Variants in PCDH11Y observed in about 807,000 individuals in gnomAD.
PCDH11Y encodes protocadherin 11 Y-linked.
For missense variants in PCDH11Y, 12 were observed against 224.8 expected, an observed-to-expected ratio of 0.05 and a Z score of 6.05; for synonymous variants, 9 against 83.6, an observed-to-expected ratio of 0.11 and a Z score of 4.87.
At chrY:5,522,034 G>T in intron 3 of PCDH11Y, among the ~76,000 whole-genome samples, 1 of 31,059 alleles carries the variant, frequency 3.2e-5, no homozygotes, top group African/African-American at 1.3e-4. Context: ...CCACCATACC[G>T]GGATAATTTT....
At chrY:5,622,216 A>G (rs368206748) in intron 4 of PCDH11Y, among the ~76,000 whole-genome samples, 2 of 30,070 alleles carry the variant, frequency 6.7e-5, no homozygotes, top group South Asian at 1.6e-3. Flanking sequence ...GAAAAAAAAC[A>G]AACACCTTCA....
intron 2 of PCDH11Y, among the ~76,000 whole-genome samples, chrY:5,263,142 G>A (rs2053021427): frequency 3.0e-5 from 1 of 33,769 alleles, no homozygotes; most frequent in Admixed American, 2.6e-4. Context: ...CAGGGGCAGC[G>A]TTCTCAAGAA....
intron 2 of PCDH11Y, among the ~76,000 whole-genome samples, chrY:5,148,515 A>T: frequency 3.1e-5 from 1 of 32,761 alleles, no homozygotes; most frequent in Non-Finnish European, 7.6e-5. Context: ...GTGTTAAAAA[A>T]TTTTTGAAAA....
chrY:5,355,214 T>A, intron 2 of PCDH11Y, among the ~76,000 whole-genome samples: 1 of 29,591 alleles, frequency 3.4e-5, no homozygotes, highest in Non-Finnish European at 8.0e-5. Context: ...TGAGCCGAGA[T>A]TGCGCCATTG....
chrY:5,113,201 A>G (rs2124638997), intron 2 of PCDH11Y, among the ~76,000 whole-genome samples: 1 of 34,244 alleles, frequency 2.9e-5, no homozygotes, highest in South Asian at 6.3e-4. Context: ...TAGCACAGTG[A>G]CATCCTACAT....
chrY:5,190,197 C>T, intron 2 of PCDH11Y, among the ~76,000 whole-genome samples: 4 of 32,766 alleles, frequency 1.2e-4, no homozygotes, highest in African/African-American at 4.7e-4. Context: ...CTTCTAGACA[C>T]ACTTGTGAGT....
chrY:5,659,493 C>T lies in PCDH11Y; in HGVS notation c.3352+77695C>T, dbSNP rs1602957218. ...GTAAGCTGGCACTCACACCACAATACGAAGTCCTTCCTGCTTTTCCCTCCT... is the reference window on the plus strand; with the variant it reads ...GTAAGCTGGCACTCACACCACAATATGAAGTCCTTCCTGCTTTTCCCTCCT... On this transcript the variant is annotated intron_variant, in intron 4 of 4. Coordinates refer to the PCDH11Y transcript ENST00000400457. Among the ~76,000 whole-genome samples, 15 of 31,523 alleles carry T rather than the reference C, an allele frequency of 4.8e-4. No individual in the cohort carries two copies. In the East Asian group the frequency reaches 0.013, roughly 27 times the overall value. The allele number at this position is 31,523 out of a possible 37,273, so 84.6% of individuals were successfully genotyped here. A position where few individuals can be genotyped will look rare whatever the true frequency, so the allele number is the denominator to read the frequency against.
chrY:5,023,242 A>G (rs2052573019), intron 1 of PCDH11Y, among the ~76,000 whole-genome samples: 1 of 33,622 alleles, frequency 3.0e-5, no homozygotes, highest in Admixed American at 2.7e-4. Flanking sequence ...CAGGTGTTAC[A>G]TATGACTCCC....
At chrY:5,012,514 C>T in intron 1 of PCDH11Y, among the ~76,000 whole-genome samples, 1 of 31,029 alleles carries the variant, frequency 3.2e-5, no homozygotes, top group African/African-American at 1.3e-4. Context: ...ATCCTATCAC[C>T]TTCCACCAGG....
chrY:5,308,532 G>A (rs2053092781), intron 2 of PCDH11Y, among the ~76,000 whole-genome samples: 1 of 31,855 alleles, frequency 3.1e-5, no homozygotes. Flanking sequence ...GGTGGTGCAT[G>A]CCTGTAATCC....
intron 2 of PCDH11Y, among the ~76,000 whole-genome samples, chrY:5,409,759 A>C: frequency 3.0e-5 from 1 of 33,121 alleles, no homozygotes; most frequent in Non-Finnish European, 7.4e-5. Flanking sequence ...TTCCTTTCCA[A>C]TCTGTATGAA....
intron 2 of PCDH11Y, among the ~76,000 whole-genome samples, chrY:5,173,663 T>C: frequency 3.1e-5 from 1 of 32,729 alleles, no homozygotes; most frequent in African/African-American, 1.2e-4. Context: ...CAAAATGTAT[T>C]TCAAATCATG....
chrY:5,634,847 AC>A (rs2053516515), intron 4 of PCDH11Y, among the ~76,000 whole-genome samples: 1 of 31,026 alleles, frequency 3.2e-5, no homozygotes, highest in Admixed American at 3.0e-4. Context: ...TTTATAATGT[AC>A]CCTTACTTTT....
chrY:5,195,112 AC>A (rs2052917343), intron 2 of PCDH11Y, among the ~76,000 whole-genome samples: 1 of 32,901 alleles, frequency 3.0e-5, no homozygotes, highest in Non-Finnish European at 7.4e-5. Flanking sequence ...TCTCCACCCA[AC>A]CCAGAAGCCC....
chrY:5,684,418 T>TA (rs2053561469), intron 4 of PCDH11Y, among the ~76,000 whole-genome samples: 3 of 27,937 alleles, frequency 1.1e-4, no homozygotes, highest in Admixed American at 3.2e-4. Context: ...TCCTCAAAAA[T>TA]AAAAAAAAAA....
chrY:5,136,618 T>G, intron 2 of PCDH11Y, among the ~76,000 whole-genome samples: 1 of 32,429 alleles, frequency 3.1e-5, no homozygotes, highest in Non-Finnish European at 7.5e-5. Context: ...GAGAAATAGA[T>G]ATCACAAAGA....
intron 2 of PCDH11Y, among the ~76,000 whole-genome samples, chrY:5,150,017 A>AT (rs2052862891): frequency 3.0e-5 from 1 of 32,826 alleles, no homozygotes. Context: ...CTATGACTTT[A>AT]TTTTTAACTA....
chrY:5,131,157 C>A, intron 2 of PCDH11Y, among the ~76,000 whole-genome samples: 1 of 32,247 alleles, frequency 3.1e-5, no homozygotes, highest in African/African-American at 1.2e-4. Context: ...GAAAACAGCA[C>A]ATTATTAAAG....
intron 2 of PCDH11Y, among the ~76,000 whole-genome samples, chrY:5,353,428 A>C: frequency 3.0e-5 from 1 of 33,014 alleles, no homozygotes; most frequent in Middle Eastern, 0.015. Flanking sequence ...TTCTATTACA[A>C]TAATTTCGTA....
Sources: gnomAD v4.1 joint callset for allele counts (sites outside exome capture counted in the v4.1 genomes callset) on GRCh38, gnomAD v4.1.1 for gene constraint, MANE v1.5 for transcripts, NCBI Gene and HGNC (gene_info 2026-07-23, HGNC 2026-07-21) for gene names.